Variants in CDKAL1 observed in about 807,000 individuals in gnomAD.
CDKAL1 encodes the protein CDKAL1 threonylcarbamoyladenosine tRNA methylthiotransferase.
In CDKAL1, 32 loss-of-function variants were observed where a neutral mutation model predicts 68.2. The ratio of observed to expected loss-of-function variants is 0.47; its 90% CI spans 0.35 to 0.63. The LOEUF is 0.63. Ranked by LOEUF, CDKAL1 falls within the 30% of genes least tolerant of loss-of-function variation. CDKAL1 has a pLI of 0.00. For missense variants in CDKAL1, 606 were observed against 696.7 expected (o/e 0.87, Z 1.47); for synonymous variants, 234 against 244.3 (o/e 0.96, Z 0.39).
intron 4 of CDKAL1, among the ~76,000 whole-genome samples, chr6:20,638,477 G>A (rs1178603800): frequency 2.6e-5 from 4 of 152,168 alleles, no homozygotes; most frequent in Non-Finnish European, 5.9e-5. Flanking sequence ...TGTAAGATGG[G>A]CCTGGTGAGC....
At chr6:21,051,200 A>G (rs1473645327) in intron 11 of CDKAL1, among the ~76,000 whole-genome samples, 2 of 152,118 alleles carry the variant, frequency 1.3e-5, no homozygotes, top group African/African-American at 2.4e-5. Context: ...AACAAAAAAT[A>G]AACAAAATTA....
At chr6:20,737,542 A>C (rs920859173) in intron 5 of CDKAL1, among the ~76,000 whole-genome samples, 1 of 151,080 alleles carries the variant, frequency 6.6e-6, no homozygotes, top group Non-Finnish European at 1.5e-5. Flanking sequence ...TAGGTGTTAT[A>C]ATGAAAGTTC....
At chr6:20,675,293 T>C (rs958012672) in intron 5 of CDKAL1, among the ~76,000 whole-genome samples, 1 of 152,204 alleles carries the variant, frequency 6.6e-6, no homozygotes, top group Admixed American at 6.5e-5. Flanking sequence ...TTTGAAGACT[T>C]AGAATTTCCC....
intron 11 of CDKAL1, among the ~76,000 whole-genome samples, chr6:21,030,186 G>A (rs911339872): frequency 5.9e-5 from 9 of 152,296 alleles, no homozygotes; most frequent in East Asian, 1.9e-4. Context: ...CAGCGACATA[G>A]ATGAGATTGG....
At chr6:20,565,434 C>T (rs1764424820) in intron 4 of CDKAL1, among the ~76,000 whole-genome samples, 1 of 151,992 alleles carries the variant, frequency 6.6e-6, no homozygotes, top group Admixed American at 6.6e-5. Flanking sequence ...CGTTAAAAAC[C>T]CATCCTCCTA....
chr6:21,178,840 G>T (rs1272796379), intron 13 of CDKAL1, among the ~76,000 whole-genome samples: 1 of 152,212 alleles, frequency 6.6e-6, no homozygotes, highest in Non-Finnish European at 1.5e-5. Flanking sequence ...AAGCACAGGA[G>T]GGCTTGAAGC....
intron 12 of CDKAL1, among the ~76,000 whole-genome samples, chr6:21,068,527 A>G (rs1017358209): frequency 1.8e-4 from 27 of 152,152 alleles, no homozygotes; most frequent in African/African-American, 6.3e-4. Context: ...CACCTTTATT[A>G]TAAATCACAT....
chr6:21,228,682 A>G (rs972639123), intron 15 of CDKAL1, among the ~76,000 whole-genome samples: 1 of 152,158 alleles, frequency 6.6e-6, no homozygotes, highest in African/African-American at 2.4e-5. Context: ...GCAGCCTGCT[A>G]GGTTCCAAGA....
chr6:20,865,497 C>G (rs1292518540), intron 9 of CDKAL1, among the ~76,000 whole-genome samples: 3 of 152,040 alleles, frequency 2.0e-5, no homozygotes, highest in African/African-American at 7.2e-5. Context: ...CCAAGCAAAA[C>G]TTCTAGGCTC....
intron 9 of CDKAL1, among the ~76,000 whole-genome samples, chr6:20,883,817 CCT>C (rs1275831285): frequency 2.6e-5 from 4 of 152,020 alleles, no homozygotes; most frequent in Non-Finnish European, 4.4e-5. Flanking sequence ...CAGGAGGAAA[CCT>C]TTTGATGGAC....
chr6:21,090,470 T>C (rs1428282876), intron 12 of CDKAL1, among the ~76,000 whole-genome samples: 3 of 152,214 alleles, frequency 2.0e-5, no homozygotes, highest in South Asian at 2.1e-4. Flanking sequence ...ATAAAATCCA[T>C]TGTGCTTAGA....
chr6:20,694,641 C>A (rs1320590399), intron 5 of CDKAL1, among the ~76,000 whole-genome samples: 2 of 152,178 alleles, frequency 1.3e-5, no homozygotes, highest in African/African-American at 4.8e-5. Context: ...GATAGGATGA[C>A]CACATATATA....
chr6:20,819,571 C>G (rs115309952), intron 8 of CDKAL1, among the ~76,000 whole-genome samples: 11,766 of 152,122 alleles, frequency 0.077, 749 homozygotes, highest in East Asian at 0.33. Context: ...TAAAATTAAC[C>G]AACTAGATGT....
chr6:20,713,978 A>G (rs975616236), intron 5 of CDKAL1, among the ~76,000 whole-genome samples: 2 of 152,202 alleles, frequency 1.3e-5, no homozygotes, highest in African/African-American at 4.8e-5. Flanking sequence ...TATCCTTAAA[A>G]AAAGAAAACA....
At chr6:20,623,486 C>T (rs1461297634) in intron 4 of CDKAL1, among the ~76,000 whole-genome samples, 1 of 151,968 alleles carries the variant, frequency 6.6e-6, no homozygotes, top group Non-Finnish European at 1.5e-5. Context: ...AATACACTTT[C>T]CCAAAATCAG....
chr6:20,572,446 G>T (rs1764742513), intron 4 of CDKAL1, among the ~76,000 whole-genome samples: 1 of 152,132 alleles, frequency 6.6e-6, no homozygotes, highest in Non-Finnish European at 1.5e-5. Context: ...TCTGGATCCA[G>T]ACAGCAATCT....
At chr6:20,802,315 CAAT>C (rs55851833) in intron 8 of CDKAL1, among the ~76,000 whole-genome samples, 16,199 of 115,296 alleles carry the variant, frequency 0.14, 1,000 homozygotes, top group African/African-American at 0.18. Flanking sequence ...ACAACAACAA[CAAT>C]AATAATAATA....
chr6:20,608,521 A>G (rs1212843701), intron 4 of CDKAL1, among the ~76,000 whole-genome samples: 1 of 152,208 alleles, frequency 6.6e-6, no homozygotes, highest in African/African-American at 2.4e-5. Context: ...ATGGTTAGTC[A>G]TGAGTTGTAT....
intron 4 of CDKAL1, among the ~76,000 whole-genome samples, chr6:20,607,776 C>A (rs149771059): frequency 9.9e-5 from 15 of 151,838 alleles, no homozygotes; most frequent in Admixed American, 8.5e-4. Context: ...CTCACTGCAA[C>A]CTCCGCCTCC....
Sources: allele counts gnomAD v4.1 joint callset (sites outside exome capture counted in the v4.1 genomes callset), GRCh38; gene constraint gnomAD v4.1.1; transcripts MANE v1.5; gene names NCBI Gene and HGNC (gene_info 2026-07-23, HGNC 2026-07-21).